Variants in GPN1 observed in about 807,000 individuals in gnomAD.
The protein encoded by GPN1 is ATP(GTP)-binding protein.
GPN1 carries 44 observed loss-of-function variants against 55.9 expected under a neutral mutation model. That is an observed-to-expected ratio of 0.79 (90% CI 0.62 to 1.01). GPN1 has a LOEUF of 1.01. Ranked by LOEUF, GPN1 falls within the 50% of genes least tolerant of loss-of-function variation. The probability of loss-of-function intolerance (pLI) is 0.00; values close to 1 mark genes in which losing one functional copy is unlikely to be tolerated. For synonymous variants in GPN1, 179 were observed against 162.5 expected, an observed-to-expected ratio of 1.10 and a Z score of -0.77; for missense variants, 466 against 462.8, an observed-to-expected ratio of 1.01 and a Z score of -0.06.
intron 13 of GPN1, 31 bp downstream of exon 13, chr2:27,647,974 CAG>C: frequency 2.5e-6 from 3 of 1,203,014 alleles, no homozygotes; most frequent in Non-Finnish European, 3.7e-6. Context: ...CCCGTGGCAA[CAG>C]AGCATCTGCT....
intron 11 of GPN1, 75 bp downstream of exon 11, chr2:27,641,354 CT>C: frequency 9.4e-7 from 1 of 1,060,760 alleles, no homozygotes; most frequent in Non-Finnish European, 1.4e-6. Context: ...GACATAAGTG[CT>C]TTTGTTTTGG....
intron 2 of GPN1, 71 bp downstream of exon 2, chr2:27,630,023 C>T: frequency 2.2e-6 from 2 of 893,018 alleles, no homozygotes; most frequent in Admixed American, 1.7e-5. Flanking sequence ...CGTGGTGGCT[C>T]ACGGCTGTAA....
At chr2:27,628,249 T>G (rs574268061), upstream of GPN1, 200 of 795,972 alleles carry the variant, frequency 2.5e-4, no homozygotes, top group African/African-American at 3.1e-3. Flanking sequence ...TACTGAACAC[T>G]GTTTGCAGCT....
chr2:27,637,373 G>A (rs1673770844), intron 7 of GPN1, among the ~76,000 whole-genome samples: 1 of 152,032 alleles, frequency 6.6e-6, no homozygotes, highest in Admixed American at 6.6e-5. Flanking sequence ...TGGCAGAGGT[G>A]GAAGAAAAGG....
chr2:27,632,502 T>A (rs1432925321), intron 4 of GPN1, 131 bp from the exon 5 acceptor site: 3 of 713,224 alleles, frequency 4.2e-6, no homozygotes, highest in Non-Finnish European at 7.8e-6. Flanking sequence ...TGTCCTAAGA[T>A]TGCAAATGTT....
chr2:27,639,499 A>G (rs968106398), intron 9 of GPN1, among the ~76,000 whole-genome samples: 1 of 152,056 alleles, frequency 6.6e-6, no homozygotes, highest in Non-Finnish European at 1.5e-5. Context: ...TTAATTGTTC[A>G]GTCCTAATTA....
In GPN1 at chr2:27,650,289, T is replaced by C; in HGVS notation, c.*89T>C. ...CTGTTCTTACCTCTGAACTGGGGGC[T>C]CCCATAAGGGATAATTTTCCTCAGA... On this transcript the variant is annotated 3_prime_UTR_variant, in exon 14 of 14. Coordinates refer to ENST00000610189, the MANE Select transcript of GPN1 (RefSeq NM_007266.4). 1 of 690,654 alleles carries C rather than the reference T, an allele frequency of 1.4e-6. No individual in the cohort carries two copies. The highest frequency in any genetic ancestry group is 2.5e-6 in the Non-Finnish European group (1 of 396,242). 42.8% of individuals were successfully genotyped at this position (690,654 alleles called of 1,614,324 possible).
chr2:27,631,065 C>A lies in GPN1; in HGVS notation c.244C>A (p.Gln82Lys), dbSNP rs374762641. Residue 82 changes from glutamine (Q) to lysine (K), a missense_variant and splice_region_variant, in exon 3 of 14, where the codon CAA becomes AAA. Transcript: ENST00000610189. ...TGTAAAGTATAAAGAAGTAATGAAA[C>A]AGTATCCTTTTCCATCTACTTTGGT... ...DTVKYKEVMK[Q>K]YGLGPNGGIV... is the part of the protein sequence containing the mutation. 2 of 1,382,858 alleles carry A rather than the reference C, an allele frequency of 1.4e-6. No individual in the cohort carries two copies. Among genetic ancestry groups the A allele is most frequent in the African/African-American group, 2.8e-5 (2 of 70,616 alleles). The allele number at this position is 1,382,858 out of a possible 1,614,324, so 85.7% of individuals were successfully genotyped here. A position where few individuals can be genotyped will look rare whatever the true frequency, so the allele number is the denominator to read the frequency against.
chr2:27,632,793 G>A, intron 5 of GPN1, 123 bp downstream of exon 5: 1 of 654,996 alleles, frequency 1.5e-6, no homozygotes, highest in Non-Finnish European at 2.7e-6. Context: ...CATTAGGAGT[G>A]AAAAAAAAAT....
intron 7 of GPN1, among the ~76,000 whole-genome samples, chr2:27,637,342 T>A (rs1290918233): frequency 1.3e-5 from 2 of 150,792 alleles, no homozygotes; most frequent in Non-Finnish European, 3.0e-5. Flanking sequence ...AGAGTAGGGG[T>A]TGGGTTTTGC....
At chr2:27,630,806 T>C (rs1673516403) in intron 2 of GPN1, among the ~76,000 whole-genome samples, 1 of 152,200 alleles carries the variant, frequency 6.6e-6, no homozygotes, top group Admixed American at 6.5e-5. Context: ...ACTTTGCACT[T>C]TGTGGAGACA....
intron 7 of GPN1, among the ~76,000 whole-genome samples, chr2:27,636,952 A>G (rs1004666472): frequency 2.0e-5 from 3 of 152,136 alleles, no homozygotes; most frequent in Non-Finnish European, 2.9e-5. Flanking sequence ...CAAAGTGCTC[A>G]GATTACAGGC....
intron 12 of GPN1, among the ~76,000 whole-genome samples, chr2:27,644,348 A>C (rs1449792735): frequency 6.6e-6 from 1 of 152,032 alleles, no homozygotes; most frequent in African/African-American, 2.4e-5. Context: ...TTTTTCTGTG[A>C]TTATATGTTG....
intron 13 of GPN1, 140 bp downstream of exon 13, chr2:27,648,083 G>A: frequency 3.2e-6 from 2 of 626,006 alleles, no homozygotes; most frequent in Admixed American, 2.5e-5. Flanking sequence ...TTCCTATATT[G>A]AGAGTTCCTG....
Position 27,645,889 on chromosome 2 carries a change from C to T in GPN1, c.932-1947C>T, listed in dbSNP as rs532406805. Among the ~76,000 whole-genome samples, 7 of 151,872 alleles carry T rather than the reference C, an allele frequency of 4.6e-5. No homozygotes were observed. In the South Asian group the frequency reaches 1.2e-3, roughly 27 times the overall value. Reference sequence around the variant, plus strand: ...GAACTAGAGGTGCCTGCCACCATGCCGGGCTAAATTTTGTATTTTTAGTGG... The same window carrying T: ...GAACTAGAGGTGCCTGCCACCATGCTGGGCTAAATTTTGTATTTTTAGTGG... On this transcript the variant is annotated intron_variant, in intron 12 of 13. Coordinates refer to ENST00000610189, the MANE Select transcript of GPN1 (RefSeq NM_007266.4).
intron 10 of GPN1, 99 bp downstream of exon 10, chr2:27,640,224 G>A: frequency 1.2e-6 from 1 of 818,026 alleles, no homozygotes; most frequent in Admixed American, 1.8e-5. Context: ...TTTCATGATG[G>A]ATGTATTATA....
intron 1 of GPN1, 191 bp downstream of exon 1, chr2:27,629,360 TC>T (rs1673438547): frequency 2.6e-6 from 4 of 1,547,368 alleles, no homozygotes; most frequent in Non-Finnish European, 3.5e-6. Flanking sequence ...AAGGCTCTCT[TC>T]TGCGCACCTT....
chr2:27,628,926 C>T (rs937612158), upstream of GPN1: 2 of 1,499,532 alleles, frequency 1.3e-6, no homozygotes, highest in South Asian at 1.3e-5. Context: ...AAGAAGATGC[C>T]CTGGCAACCG....
chr2:27,642,954 T>TACACACAC (rs1270219794), intron 12 of GPN1, among the ~76,000 whole-genome samples: 483 of 46,792 alleles, frequency 0.01, 1 homozygote, highest in East Asian at 0.1. Context: ...TATATATATA[T>TACACACAC]ATATACACAC....
Sources: gnomAD v4.1 joint callset for allele counts (sites outside exome capture counted in the v4.1 genomes callset) on GRCh38, gnomAD v4.1.1 for gene constraint, MANE v1.5 for transcripts, NCBI Gene and HGNC (gene_info 2026-07-23, HGNC 2026-07-21) for gene names.